Variants in COL14A1 observed in about 807,000 individuals in gnomAD.
COL14A1 encodes collagen alpha-1(XIV) chain.
In COL14A1, 136 loss-of-function variants were observed where a neutral mutation model predicts 230.3. That is an observed-to-expected ratio of 0.59 (90% CI 0.51 to 0.68). The LOEUF is 0.68. Among genes scored for constraint, COL14A1 ranks in the 30% least tolerant of loss-of-function variants. The pLI is 0.00. For missense variants in COL14A1, 1,976 were observed against 2,215.8 expected (o/e 0.89, Z 2.17); for synonymous variants, 792 against 784.1 (o/e 1.01, Z -0.17).
chr8:120,213,639 C>T (rs1817671880), intron 13 of COL14A1, among the ~76,000 whole-genome samples: 1 of 152,174 alleles, frequency 6.6e-6, no homozygotes, highest in Non-Finnish European at 1.5e-5. Context: ...AATTCTGGGA[C>T]TCTAACCATT....
intron 5 of COL14A1, among the ~76,000 whole-genome samples, chr8:120,190,997 T>C (rs1176318797): frequency 6.8e-6 from 1 of 147,518 alleles, no homozygotes; most frequent in African/African-American, 2.5e-5. Flanking sequence ...AAAAACCAGC[T>C]CCTGGATTCA....
At chr8:120,341,981 A>C (rs1822314154) in intron 43 of COL14A1, among the ~76,000 whole-genome samples, 1 of 152,226 alleles carries the variant, frequency 6.6e-6, no homozygotes, top group Non-Finnish European at 1.5e-5. Context: ...AATGCTATTC[A>C]GCTATAAAAT....
At chr8:120,359,214 T>C (rs1400943785) in intron 45 of COL14A1, among the ~76,000 whole-genome samples, 1 of 152,080 alleles carries the variant, frequency 6.6e-6, no homozygotes, top group East Asian at 1.9e-4. Context: ...GTCCTAATGC[T>C]CTCCGTCCCC....
chr8:120,347,455 G>C (rs994296202), intron 45 of COL14A1, among the ~76,000 whole-genome samples: 4 of 152,088 alleles, frequency 2.6e-5, no homozygotes, highest in African/African-American at 9.7e-5. Flanking sequence ...GTGATTTTGC[G>C]ATGACTGTTA....
intron 3 of COL14A1, among the ~76,000 whole-genome samples, chr8:120,162,159 T>C (rs1815698954): frequency 6.6e-6 from 1 of 152,186 alleles, no homozygotes; most frequent in East Asian, 1.9e-4. Context: ...AGGGTACAGC[T>C]AAAAAGGAAG....
chr8:120,196,281 C>A (rs1442451621), intron 5 of COL14A1, among the ~76,000 whole-genome samples: 1 of 152,230 alleles, frequency 6.6e-6, no homozygotes, highest in African/African-American at 2.4e-5. Context: ...GAAAAAGTCT[C>A]TGTACCTTTG....
chr8:120,218,613 C>T (rs1817837968), intron 14 of COL14A1, among the ~76,000 whole-genome samples: 1 of 152,236 alleles, frequency 6.6e-6, no homozygotes, highest in South Asian at 2.1e-4. Flanking sequence ...CCCAGCCTAA[C>T]TTAGGCTATA....
At chr8:120,289,480 A>G (rs1481223168) in intron 33 of COL14A1, 128 bp from the exon 34 acceptor site, 1 of 869,518 alleles carries the variant, frequency 1.2e-6, no homozygotes, top group African/African-American at 1.7e-5. Context: ...CTCTTTTGGC[A>G]AAATACATGG....
chr8:120,330,300 C>T (rs1821819833), intron 40 of COL14A1, among the ~76,000 whole-genome samples: 1 of 152,138 alleles, frequency 6.6e-6, no homozygotes, highest in African/African-American at 2.4e-5. Flanking sequence ...CAGTGTTTCT[C>T]CTCCACACTC....
intron 2 of COL14A1, among the ~76,000 whole-genome samples, chr8:120,148,135 T>C (rs999173271): frequency 1.3e-5 from 2 of 151,284 alleles, no homozygotes; most frequent in Non-Finnish European, 2.9e-5. Context: ...ATTGGTTAAA[T>C]AGGTCATTCT....
chr8:120,335,950 T>G (rs997515726), intron 42 of COL14A1, among the ~76,000 whole-genome samples: 1 of 152,206 alleles, frequency 6.6e-6, no homozygotes, highest in Non-Finnish European at 1.5e-5. Flanking sequence ...GGGTCCTTGA[T>G]GTAGCCCTGA....
intron 24 of COL14A1, among the ~76,000 whole-genome samples, chr8:120,264,910 T>C (rs1480687959): frequency 6.6e-6 from 1 of 152,168 alleles, no homozygotes; most frequent in African/African-American, 2.4e-5. Flanking sequence ...CTCCTATCCT[T>C]GACCCCGCAC....
At chr8:120,295,123 T>C (rs1257903000) in intron 34 of COL14A1, among the ~76,000 whole-genome samples, 4 of 151,842 alleles carry the variant, frequency 2.6e-5, no homozygotes, top group African/African-American at 9.7e-5. Flanking sequence ...CTCTGAGGGC[T>C]CTACTCAGAA....
At chr8:120,327,354 C>G (rs1453516448) in intron 40 of COL14A1, among the ~76,000 whole-genome samples, 1 of 152,156 alleles carries the variant, frequency 6.6e-6, no homozygotes, top group Admixed American at 6.5e-5. Flanking sequence ...TGTGAGTCAA[C>G]TCTGACGTGT....
chr8:120,190,877 G>A (rs1350241508), intron 5 of COL14A1, among the ~76,000 whole-genome samples: 1 of 151,834 alleles, frequency 6.6e-6, no homozygotes, highest in East Asian at 1.9e-4. Context: ...ATTTCTGTGG[G>A]ATCGGTGGTG....
chr8:120,182,726 GTT>G (rs756254098), intron 5 of COL14A1, among the ~76,000 whole-genome samples: 11 of 129,000 alleles, frequency 8.5e-5, no homozygotes, highest in East Asian at 2.2e-4. Context: ...ATTTTTCTTC[GTT>G]TTTTTTTTTT....
intron 1 of COL14A1, among the ~76,000 whole-genome samples, chr8:120,137,446 A>G (rs192076746): frequency 1.3e-5 from 2 of 152,112 alleles, no homozygotes; most frequent in Admixed American, 1.3e-4. Context: ...AATGTTTTCT[A>G]TTTCTTTAGT....
chr8:120,335,806 C>T (rs1822041958), intron 42 of COL14A1, among the ~76,000 whole-genome samples: 1 of 152,204 alleles, frequency 6.6e-6, no homozygotes, highest in Non-Finnish European at 1.5e-5. Flanking sequence ...TACGGTTCCT[C>T]CACTGCAGTT....
chr8:120,341,848 G>T (rs985133416), intron 43 of COL14A1, among the ~76,000 whole-genome samples: 14 of 152,104 alleles, frequency 9.2e-5, no homozygotes, highest in African/African-American at 3.1e-4. Context: ...TTAATTTAAG[G>T]GTCGTCTCTC....
Sources: gnomAD v4.1 joint callset for allele counts (sites outside exome capture counted in the v4.1 genomes callset) on GRCh38, gnomAD v4.1.1 for gene constraint, MANE v1.5 for transcripts, NCBI Gene and HGNC (gene_info 2026-07-23, HGNC 2026-07-21) for gene names.